The following ADGRB3 variants were observed in gnomAD, a reference collection of about 807,000 sequenced individuals.
The protein encoded by ADGRB3 is brain-specific angiogenesis inhibitor 3.
A neutral mutation model predicts 193.4 loss-of-function variants in ADGRB3; 37 were observed. The ratio of observed to expected loss-of-function variants is 0.19; its 90% CI spans 0.15 to 0.25. The LOEUF is 0.25. Ranked by LOEUF, ADGRB3 falls within the 10% of genes least tolerant of loss-of-function variation. ADGRB3 has a pLI of 1.00. For synonymous variants in ADGRB3, 690 were observed against 644.2 expected, an observed-to-expected ratio of 1.07 and a Z score of -1.08; for missense variants, 1,637 against 1,852.9, an observed-to-expected ratio of 0.88 and a Z score of 2.14.
intron 3 of ADGRB3, among the ~76,000 whole-genome samples, chr6:68,768,618 G>A (rs1582184881): frequency 6.6e-6 from 1 of 152,192 alleles, no homozygotes; most frequent in African/African-American, 2.4e-5. Context: ...TATCATTCAG[G>A]ACATAGGCAT....
At chr6:69,166,003 A>C (rs1775123753) in intron 17 of ADGRB3, among the ~76,000 whole-genome samples, 1 of 152,124 alleles carries the variant, frequency 6.6e-6, no homozygotes, top group Non-Finnish European at 1.5e-5. Flanking sequence ...TTGAAACAAT[A>C]CTTCTGATAG....
In ADGRB3 at chr6:69,003,242, A is replaced by G. The variant is rs553926803; in HGVS notation, c.1929+9280A>G. Among the ~76,000 whole-genome samples, 12 of 152,330 alleles carry G rather than the reference A, an allele frequency of 7.9e-5. No homozygotes were observed. In the East Asian group the frequency reaches 2.3e-3, roughly 29 times the overall value. Reference sequence around the variant, plus strand: ...CTTAGAGCACAGGTAGCTACTGCCAATGCAGATATGTAATTGGTATCTCTC... The same window carrying G: ...CTTAGAGCACAGGTAGCTACTGCCAGTGCAGATATGTAATTGGTATCTCTC... On this transcript the variant is annotated intron_variant, in intron 11 of 31. Transcript: ENST00000370598.
chr6:68,938,394 G>A (rs1374478652), intron 5 of ADGRB3, among the ~76,000 whole-genome samples: 1 of 149,234 alleles, frequency 6.7e-6, no homozygotes, highest in Non-Finnish European at 1.5e-5. Flanking sequence ...TTTTAAACTG[G>A]CAGGTAACAT....
At chr6:69,178,972 C>G (rs139608720) in intron 17 of ADGRB3, among the ~76,000 whole-genome samples, 4 of 152,062 alleles carry the variant, frequency 2.6e-5, no homozygotes, top group Admixed American at 6.5e-5. Context: ...CTGGATTTGT[C>G]GTAACTGGAT....
At chr6:69,102,232 G>C (rs1773080407) in intron 17 of ADGRB3, among the ~76,000 whole-genome samples, 1 of 149,276 alleles carries the variant, frequency 6.7e-6, no homozygotes, top group African/African-American at 2.5e-5. Context: ...TACAAAATTT[G>C]CATAGTCACT....
intron 20 of ADGRB3, among the ~76,000 whole-genome samples, chr6:69,292,866 C>G (rs1459460942): frequency 6.6e-6 from 1 of 151,994 alleles, no homozygotes; most frequent in Non-Finnish European, 1.5e-5. Flanking sequence ...CCATCCCTCC[C>G]CCGTCCCCCC....
chr6:69,326,174 T>G (rs1280377742), intron 21 of ADGRB3, among the ~76,000 whole-genome samples: 2 of 152,076 alleles, frequency 1.3e-5, no homozygotes, highest in Non-Finnish European at 1.5e-5. Context: ...GCCTGGGAAG[T>G]GGAGGTTGCA....
rs920070191 is a variant in ADGRB3 at position 68,644,664 on chromosome 6, C to T, written c.757+5232C>T. On this transcript the variant is annotated intron_variant, in intron 3 of 31. Coordinates refer to ENST00000370598, the MANE Select transcript of ADGRB3 (RefSeq NM_001704.3). The stretch of plus-strand genomic sequence containing the variant: ...TGGAATATTATTAAAATTATAGGCC[C>T]GGTCAAGTATAACAAAATGCCACAA... Among the ~76,000 whole-genome samples the T allele has an allele frequency of 2.6e-5, 4 of 152,042 alleles. No homozygotes were observed. The East Asian group carries it at 5.8e-4, about 22-fold the overall frequency.
intron 3 of ADGRB3, among the ~76,000 whole-genome samples, chr6:68,825,985 T>A (rs1030964701): frequency 2.1e-5 from 3 of 145,206 alleles, no homozygotes; most frequent in Non-Finnish European, 4.5e-5. Flanking sequence ...TTCAGTTTCC[T>A]CCCCATTTTT....
At chr6:68,970,420 C>A (rs890286461) in intron 8 of ADGRB3, among the ~76,000 whole-genome samples, 18 of 151,706 alleles carry the variant, frequency 1.2e-4, no homozygotes, top group African/African-American at 3.9e-4. Context: ...TAGCTGGGAT[C>A]TTCCTCCTTC....
At chr6:69,344,193 T>C (rs1373615944) in intron 26 of ADGRB3, among the ~76,000 whole-genome samples, 1 of 152,120 alleles carries the variant, frequency 6.6e-6, no homozygotes. Context: ...ATGGATAATT[T>C]TGTTATATCA....
Position 69,149,572 on chromosome 6 carries a change from G to A in ADGRB3, c.2480+73534G>A, listed in dbSNP as rs549305264. ...CATATTTACTTCATTTAGTGTGGTCGTGCTTTACTGGATGGTCTTGATGCT... is the reference window on the plus strand; with the variant it reads ...CATATTTACTTCATTTAGTGTGGTCATGCTTTACTGGATGGTCTTGATGCT... On this transcript the variant is annotated intron_variant, in intron 17 of 31. Coordinates refer to ENST00000370598, the MANE Select transcript of ADGRB3 (RefSeq NM_001704.3). 1.7e-4 allele frequency among the ~76,000 whole-genome samples: 26 copies of A among 152,162 alleles called. No homozygotes were observed. The South Asian group carries it at 3.3e-3, about 19-fold the overall frequency.
chr6:69,203,855 T>C (rs1765484051), intron 17 of ADGRB3, among the ~76,000 whole-genome samples: 1 of 152,208 alleles, frequency 6.6e-6, no homozygotes, highest in Non-Finnish European at 1.5e-5. Flanking sequence ...AATCTAGTGA[T>C]CCTTCTGCTC....
intron 17 of ADGRB3, among the ~76,000 whole-genome samples, chr6:69,118,757 A>G (rs1413824163): frequency 7.2e-5 from 11 of 152,052 alleles, no homozygotes; most frequent in Non-Finnish European, 1.5e-5. Flanking sequence ...CAGAAAAAAA[A>G]AATAAGAGCC....
At chr6:69,292,660 G>T (rs2127293070) in intron 20 of ADGRB3, among the ~76,000 whole-genome samples, 1 of 152,134 alleles carries the variant, frequency 6.6e-6, no homozygotes, top group South Asian at 2.1e-4. Flanking sequence ...CCACTGTAGG[G>T]AGATATGAGG....
At chr6:69,152,969 T>C (rs1450546855) in intron 17 of ADGRB3, among the ~76,000 whole-genome samples, 1 of 152,148 alleles carries the variant, frequency 6.6e-6, no homozygotes, top group Non-Finnish European at 1.5e-5. Flanking sequence ...CTAGTAACTG[T>C]TTAAGTCATA....
chr6:68,945,705 A>T (rs931591809), intron 6 of ADGRB3, among the ~76,000 whole-genome samples: 2 of 152,112 alleles, frequency 1.3e-5, no homozygotes, highest in African/African-American at 4.8e-5. Flanking sequence ...AATGGCATTG[A>T]TTGGTTAAAA....
chr6:68,891,007 A>G (rs917561547), intron 3 of ADGRB3, among the ~76,000 whole-genome samples: 1 of 152,202 alleles, frequency 6.6e-6, no homozygotes, highest in African/African-American at 2.4e-5. Context: ...CTTACCTGAG[A>G]CTGGGAAGAA....
chr6:68,851,560 C>G (rs1001370343), intron 3 of ADGRB3, among the ~76,000 whole-genome samples: 4 of 151,740 alleles, frequency 2.6e-5, no homozygotes, highest in Non-Finnish European at 4.4e-5. Flanking sequence ...TAAACTATGG[C>G]ATTTAGGAAT....
Sources: allele counts gnomAD v4.1 joint callset (sites outside exome capture counted in the v4.1 genomes callset), GRCh38; gene constraint gnomAD v4.1.1; transcripts MANE v1.5; gene names NCBI Gene and HGNC (gene_info 2026-07-23, HGNC 2026-07-21).